Variants in TENT2 observed in about 807,000 individuals in gnomAD.
TENT2 encodes terminal nucleotidyltransferase 2, also known as poly(A) RNA polymerase GLD2.
A neutral mutation model predicts 72.2 loss-of-function variants in TENT2; 44 were observed. That is an observed-to-expected ratio of 0.61 (90% confidence interval 0.48 to 0.78). The LOEUF (loss-of-function observed/expected upper bound fraction) is 0.78. Ranked by LOEUF, TENT2 falls within the 30% of genes least tolerant of loss-of-function variation. The pLI, the probability that TENT2 is intolerant of heterozygous loss-of-function variation, is 0.00. For missense variants in TENT2, 541 were observed against 569.6 expected (o/e 0.95, Z 0.51); for synonymous variants, 212 against 192.5 (o/e 1.10, Z -0.84).
At chr5:79,683,642 G>A (rs528208972) in intron 14 of TENT2, among the ~76,000 whole-genome samples, 98 of 152,114 alleles carry the variant, frequency 6.4e-4, no homozygotes, top group Admixed American at 2.2e-3. Flanking sequence ...TTGGCCGGGC[G>A]CGGTGGCTCA....
intron 4 of TENT2, among the ~76,000 whole-genome samples, chr5:79,637,461 C>G (rs1781019954): frequency 6.6e-6 from 1 of 152,120 alleles, no homozygotes; most frequent in Admixed American, 6.5e-5. Context: ...AGGTCTCCCT[C>G]TGTTGCCCAG....
At chr5:79,645,222 G>A in intron 8 of TENT2, 30 bp downstream of exon 8, 3 of 1,543,836 alleles carry the variant, frequency 1.9e-6, no homozygotes, top group Non-Finnish European at 1.8e-6. Flanking sequence ...TCTTTTTTTA[G>A]TTCCTTTAGA....
At chr5:79,648,775 C>G in intron 9 of TENT2, 82 bp downstream of exon 9, 1 of 1,080,174 alleles carries the variant, frequency 9.3e-7, no homozygotes, top group South Asian at 1.5e-5. Flanking sequence ...ATAGTGACAT[C>G]TCTTTAGTTG....
chr5:79,628,697 G>A (rs1242623047), intron 4 of TENT2, among the ~76,000 whole-genome samples: 1 of 152,162 alleles, frequency 6.6e-6, no homozygotes. Context: ...AAGTACTCGA[G>A]TTTTTTGAAC....
At chr5:79,652,652 C>T (rs1192624201) in intron 10 of TENT2, among the ~76,000 whole-genome samples, 1 of 151,916 alleles carries the variant, frequency 6.6e-6, no homozygotes, top group Admixed American at 6.6e-5. Flanking sequence ...TAAAGTAGTT[C>T]AGGCTAATCT....
At chr5:79,632,912 C>G (rs551147250) in intron 4 of TENT2, among the ~76,000 whole-genome samples, 3 of 152,036 alleles carry the variant, frequency 2.0e-5, no homozygotes, top group Non-Finnish European at 4.4e-5. Context: ...TGGCCAAGTT[C>G]AGGTAATAGT....
chr5:79,687,603 A>G lies in TENT2; in HGVS notation c.*2330A>G, dbSNP rs971825713. Reference sequence around the variant, plus strand: ...TTAGGGAATAATAATGACAAGACAAAAAGTCTATACCTGTTCGGTACAGAT... The same window carrying G: ...TTAGGGAATAATAATGACAAGACAAGAAGTCTATACCTGTTCGGTACAGAT... On this transcript the variant is annotated 3_prime_UTR_variant, in exon 15 of 15. Transcript: ENST00000453514. 6.6e-6 allele frequency among the ~76,000 whole-genome samples: 1 copy of G among 152,186 alleles called. No homozygotes were observed. Among genetic ancestry groups the G allele is most frequent in the Admixed American group, 6.5e-5 (1 of 15,278 alleles).
chr5:79,623,760 CTTG>C (rs1432155933), intron 4 of TENT2: 2 of 247,806 alleles, frequency 8.1e-6, no homozygotes, highest in Non-Finnish European at 1.5e-5. Flanking sequence ...AGAGAACTGT[CTTG>C]TTACTTGTTT....
intron 11 of TENT2, 148 bp downstream of exon 11, chr5:79,657,149 T>G: frequency 1.9e-6 from 1 of 531,438 alleles, no homozygotes; most frequent in Non-Finnish European, 3.2e-6. Flanking sequence ...TTAAAATGTT[T>G]CATATACTGT....
chr5:79,640,972 T>C lies in TENT2; in HGVS notation c.580+7T>C, dbSNP rs1257252894. On this transcript the variant is annotated splice_region_variant and intron_variant, in intron 5 of 14. Coordinates refer to ENST00000453514, the MANE Select transcript of TENT2 (RefSeq NM_001114394.3). Reference sequence around the variant, plus strand: ...ATTCAGCTGTTATTTCCACGTATGTTTCCCTATTTTGCATGTCCTTTAGGT... The same window carrying C: ...ATTCAGCTGTTATTTCCACGTATGTCTCCCTATTTTGCATGTCCTTTAGGT... The C allele has an allele frequency of 1.9e-6, 3 of 1,593,458 alleles. No homozygotes were observed. The South Asian group carries it at 3.4e-5, about 18-fold the overall frequency.
intron 4 of TENT2, among the ~76,000 whole-genome samples, chr5:79,633,457 T>TG (rs1364994236): frequency 2.7e-5 from 4 of 145,894 alleles, no homozygotes; most frequent in Non-Finnish European, 4.5e-5. Context: ...TTTTTTTTTT[T>TG]GAGACAGAGT....
chr5:79,634,041 C>A (rs62365177), intron 4 of TENT2, among the ~76,000 whole-genome samples: 29,734 of 147,118 alleles, frequency 0.2, 4,483 homozygotes, highest in African/African-American at 0.42. Context: ...TGGTGGCGGA[C>A]GCCTATAGTC....
intron 12 of TENT2, among the ~76,000 whole-genome samples, chr5:79,676,448 G>A (rs1817413647): frequency 6.6e-6 from 1 of 152,070 alleles, no homozygotes. Context: ...AGCCAGGCAT[G>A]GTGGTGGGCG....
At chr5:79,627,550 A>G (rs941042947) in intron 4 of TENT2, among the ~76,000 whole-genome samples, 6 of 152,194 alleles carry the variant, frequency 3.9e-5, no homozygotes, top group East Asian at 1.9e-4. Flanking sequence ...TAATGGCACA[A>G]TCATGGCTCA....
chr5:79,647,785 A>T (rs950090495), intron 8 of TENT2, among the ~76,000 whole-genome samples: 2 of 152,172 alleles, frequency 1.3e-5, no homozygotes, highest in Admixed American at 6.6e-5. Flanking sequence ...TTAATTTTTT[A>T]TGAGTTTAGC....
At chr5:79,620,359 G>T (rs1300342187) in intron 3 of TENT2, among the ~76,000 whole-genome samples, 1 of 152,126 alleles carries the variant, frequency 6.6e-6, no homozygotes, top group Non-Finnish European at 1.5e-5. Context: ...CTAGAATAAA[G>T]CTGTTTCCTC....
chr5:79,665,970 T>A (rs575901542), intron 11 of TENT2, among the ~76,000 whole-genome samples: 176 of 151,782 alleles, frequency 1.2e-3, no homozygotes, highest in Non-Finnish European at 1.8e-3. Context: ...TTTAAAGAAA[T>A]TCTTTTTTTT....
rs572229063 is a variant in TENT2, at chr5:79,680,923, C to T, written c.1301-1059C>T. On this transcript the variant is annotated intron_variant, in intron 13 of 14. Coordinates refer to ENST00000453514, the MANE Select transcript of TENT2 (RefSeq NM_001114394.3). ...TCTTCTCATTATTATCTTCAGTTTC[C>T]TCGTACTCTTCTGGTTTCTTCCTGT... Among the ~76,000 whole-genome samples, 3 of 151,836 alleles carry T rather than the reference C, an allele frequency of 2.0e-5. No individual in the cohort carries two copies. The South Asian group carries it at 6.2e-4, about 31-fold the overall frequency.
chr5:79,665,544 TC>T (rs1806841348), intron 11 of TENT2, among the ~76,000 whole-genome samples: 1 of 152,182 alleles, frequency 6.6e-6, no homozygotes, highest in Admixed American at 6.5e-5. Flanking sequence ...CAAGGGATTT[TC>T]TATTTAATTT....
Sources: gnomAD v4.1 joint callset for allele counts (sites outside exome capture counted in the v4.1 genomes callset) on GRCh38, gnomAD v4.1.1 for gene constraint, MANE v1.5 for transcripts, NCBI Gene and HGNC (gene_info 2026-07-23, HGNC 2026-07-21) for gene names.